ROR1: variants seen among roughly 807,000 people sequenced by gnomAD.
ROR1 encodes the protein ROR family WNT receptor 1, also known as inactive tyrosine-protein kinase transmembrane receptor ROR1.
ROR1 carries 19 observed loss-of-function variants against 78.8 expected under a neutral mutation model. The observed-to-expected ratio is 0.24, with a 90% confidence interval of 0.17 to 0.35. The LOEUF (loss-of-function observed/expected upper bound fraction) is 0.35, where lower values mean the gene tolerates loss of function less well. Among genes scored for constraint, ROR1 ranks in the 10% least tolerant of loss-of-function variants. The pLI is 1.00. For missense variants in ROR1, 917 were observed against 1,177.8 expected, an observed-to-expected ratio of 0.78 and a Z score of 3.24; for synonymous variants, 386 against 433.6, an observed-to-expected ratio of 0.89 and a Z score of 1.36.
rs540629664 is a variant in ROR1 at position 64,120,515 on chromosome 1, T to C, written c.483-16854T>C. Among the ~76,000 whole-genome samples the C allele has an allele frequency of 3.3e-3, 508 of 152,338 alleles. 5 individuals carry two copies. The highest frequency in any genetic ancestry group is 0.012 in the African/African-American group (490 of 41,578). On this transcript the variant is annotated intron_variant, in intron 4 of 8. Transcript: ENST00000371079. The stretch of plus-strand genomic sequence containing the variant: ...ATGAGATATTTTACTCTTTTTTTTT[T>C]CTTTGGTACTAAGTCTTTGAAATCC...
intron 1 of ROR1, among the ~76,000 whole-genome samples, chr1:63,884,684 G>A (rs987950638): frequency 6.6e-6 from 1 of 152,132 alleles, no homozygotes; most frequent in African/African-American, 2.4e-5. Flanking sequence ...GATGAATAAA[G>A]TCTGTCTCCA....
At chr1:64,003,064 G>A (rs957284959) in intron 1 of ROR1, among the ~76,000 whole-genome samples, 5 of 152,100 alleles carry the variant, frequency 3.3e-5, no homozygotes, top group Admixed American at 6.5e-5. Context: ...TCTGCCTCAG[G>A]TTCATCAATC....
chr1:63,843,422 G>A (rs4915931), intron 1 of ROR1: 164,151 of 741,070 alleles, frequency 0.22, 19,687 homozygotes, highest in Non-Finnish European at 0.25. Context: ...CCTTGGTCTC[G>A]TAGGTTGTGT....
chr1:63,824,414 AT>A (rs922451477), intron 1 of ROR1, among the ~76,000 whole-genome samples: 55 of 152,270 alleles, frequency 3.6e-4, no homozygotes, highest in African/African-American at 9.1e-4. Context: ...ACAAAATATT[AT>A]TTGTCTTTTT....
At chr1:63,980,150 C>CAT (rs919600667) in intron 1 of ROR1, among the ~76,000 whole-genome samples, 38 of 150,854 alleles carry the variant, frequency 2.5e-4, no homozygotes, top group African/African-American at 6.1e-4. Context: ...AAATATATAA[C>CAT]ATATATATAT....
intron 1 of ROR1, among the ~76,000 whole-genome samples, chr1:63,838,854 C>T (rs1409657341): frequency 6.6e-6 from 1 of 152,122 alleles, no homozygotes; most frequent in East Asian, 1.9e-4. Context: ...ATCTTTTATA[C>T]TGTATTTTTA....
At chr1:63,802,853 C>T (rs1569736608) in intron 1 of ROR1, among the ~76,000 whole-genome samples, 1 of 152,140 alleles carries the variant, frequency 6.6e-6, no homozygotes, top group Admixed American at 6.5e-5. Context: ...ATTTGAGCCA[C>T]ATATGTAGTT....
intron 1 of ROR1, among the ~76,000 whole-genome samples, chr1:63,895,275 AT>A (rs776215484): frequency 6.0e-4 from 91 of 152,308 alleles, no homozygotes; most frequent in Non-Finnish European, 1.1e-3. Context: ...TATTACTCAG[AT>A]TTAGAAATAC....
intron 1 of ROR1, among the ~76,000 whole-genome samples, chr1:64,001,604 T>C (rs12130010): frequency 0.017 from 2,544 of 152,306 alleles, 30 homozygotes; most frequent in Middle Eastern, 0.044. Flanking sequence ...TGATGTCTTA[T>C]GGAGACGTTT....
chr1:63,813,346 T>C lies in ROR1; in HGVS notation c.91+38838T>C, dbSNP rs573714780. Among the ~76,000 whole-genome samples the C allele has an allele frequency of 3.6e-3, 545 of 152,306 alleles. 1 individual carries two copies. Among genetic ancestry groups the C allele is most frequent in the African/African-American group, 0.012 (508 of 41,566 alleles). On this transcript the variant is annotated intron_variant, in intron 1 of 8. Transcript: ENST00000371079. Reference sequence around the variant, plus strand: ...CTTCTCCCAGAAACCTTCTGCCAATTCCGCACATCACTTGGAACTGGGTAC... The same window carrying C: ...CTTCTCCCAGAAACCTTCTGCCAATCCCGCACATCACTTGGAACTGGGTAC...
At chr1:63,840,249 T>G (rs1192720016) in intron 1 of ROR1, among the ~76,000 whole-genome samples, 1 of 151,718 alleles carries the variant, frequency 6.6e-6, no homozygotes, top group African/African-American at 2.4e-5. Flanking sequence ...GGACCTGAGC[T>G]AACCTAGAAA....
chr1:64,041,932 G>T (rs1024083891), intron 2 of ROR1, among the ~76,000 whole-genome samples: 1 of 152,162 alleles, frequency 6.6e-6, no homozygotes, highest in African/African-American at 2.4e-5. Context: ...ACTGGGGAGT[G>T]CAAGAGGAAG....
chr1:64,114,918 G>A (rs955394491), intron 4 of ROR1, among the ~76,000 whole-genome samples: 2 of 152,118 alleles, frequency 1.3e-5, no homozygotes, highest in Non-Finnish European at 2.9e-5. Flanking sequence ...TATTGTTATA[G>A]TCCAATTTTG....
At chr1:63,892,878 C>T (rs193062368) in intron 1 of ROR1, among the ~76,000 whole-genome samples, 71 of 152,230 alleles carry the variant, frequency 4.7e-4, no homozygotes, top group African/African-American at 1.4e-3. Flanking sequence ...CAGAAGCTGC[C>T]GTCACAAAGA....
At chr1:64,101,136 G>C (rs147997450) in intron 4 of ROR1, among the ~76,000 whole-genome samples, 51 of 152,120 alleles carry the variant, frequency 3.4e-4, no homozygotes, top group Non-Finnish European at 5.4e-4. Context: ...CTTCTACAAT[G>C]GTTCTAAAAA....
At chr1:63,857,783 G>C (rs987109740) in intron 1 of ROR1, among the ~76,000 whole-genome samples, 1 of 152,204 alleles carries the variant, frequency 6.6e-6, no homozygotes, top group African/African-American at 2.4e-5. Flanking sequence ...AGCCTCTGAA[G>C]ACTGTCTTGC....
At chr1:64,036,323 A>G (rs1388984689) in intron 2 of ROR1, among the ~76,000 whole-genome samples, 1 of 152,146 alleles carries the variant, frequency 6.6e-6, no homozygotes, top group East Asian at 1.9e-4. Flanking sequence ...ACTGGGGTAC[A>G]TGTTTTTTGT....
chr1:63,986,661 G>C (rs1394307037), intron 1 of ROR1, among the ~76,000 whole-genome samples: 2 of 152,174 alleles, frequency 1.3e-5, no homozygotes, highest in African/African-American at 4.8e-5. Flanking sequence ...GGGAGGTGGA[G>C]GTGAGAGGAT....
Position 63,830,727 on chromosome 1 carries a change from C to T in ROR1, c.91+56219C>T, listed in dbSNP as rs925577759. Among the ~76,000 whole-genome samples, 15 of 152,278 alleles carry T rather than the reference C, an allele frequency of 9.9e-5. 1 individual carries two copies. Among genetic ancestry groups the T allele is most frequent in the African/African-American group, 3.4e-4 (14 of 41,548 alleles). ...GTCTTTTTCACATTTAAAAGCTAAT[C>T]GTGCCTTCCCAACAGTCCCCCAAAG... On this transcript the variant is annotated intron_variant, in intron 1 of 8. Coordinates refer to ENST00000371079, the MANE Select transcript of ROR1 (RefSeq NM_005012.4).
Sources: gnomAD v4.1 joint callset for allele counts (sites outside exome capture counted in the v4.1 genomes callset) on GRCh38, gnomAD v4.1.1 for gene constraint, MANE v1.5 for transcripts, NCBI Gene and HGNC (gene_info 2026-07-23, HGNC 2026-07-21) for gene names.